The following SVEP1 variants were observed in gnomAD, a reference collection of about 807,000 sequenced individuals.
SVEP1 encodes sushi, von Willebrand factor type A, EGF and pentraxin domain-containing protein 1.
A neutral mutation model predicts 367.3 loss-of-function variants in SVEP1; 164 were observed. The observed-to-expected ratio is 0.45, with a 90% confidence interval of 0.39 to 0.51. SVEP1 has a LOEUF of 0.51. Ranked by LOEUF, SVEP1 falls within the 20% of genes least tolerant of loss-of-function variation. The probability of loss-of-function intolerance (pLI) is 0.00; values close to 1 mark genes in which losing one functional copy is unlikely to be tolerated. For synonymous variants in SVEP1, 1,666 were observed against 1,611.6 expected, an observed-to-expected ratio of 1.03 and a Z score of -0.81; for missense variants, 4,117 against 4,425.3, an observed-to-expected ratio of 0.93 and a Z score of 1.98.
Position 110,379,400 on chromosome 9 carries a change from A to G in SVEP1, c.10355T>C (p.Leu3452Pro). 1 of 1,613,848 alleles carries G rather than the reference A, an allele frequency of 6.2e-7. No individual in the cohort carries two copies. Among genetic ancestry groups the G allele is most frequent in the Non-Finnish European group, 8.5e-7 (1 of 1,179,798 alleles). ...CYSGYMLEGF[L>P]RSVCLENGTW... is the part of the protein sequence containing the mutation. ...TCCATTTTCTAAACAAACACTCCTC[A>G]GGAAACCCTCCAACATGTATCCACT... The change falls in exon 44 of 48, where the codon CTG (leucine) becomes CCG (proline). Residue 3452 changes from leucine (L) to proline (P), a missense_variant. Physicochemically the swap from Leu to Pro is moderately conservative, Grantham distance 98 (BLOSUM62 -3). This residue lies in a region of SVEP1 where 1,765 missense variants were observed against 1,781.1 expected (regional missense o/e 0.99). Transcript: ENST00000374469.
intron 5 of SVEP1, among the ~76,000 whole-genome samples, chr9:110,511,488 CTTTTTTTTTTTTTTTTTTTTTTT>C (rs199993986): frequency 2.6e-5 from 2 of 77,576 alleles, no homozygotes; most frequent in Non-Finnish European, 5.5e-5. Context: ...GTGTCAGTAC[CTTTTTTTTTTTTTTTTTTTTTTT>C]TTTTTTTTTT....
intron 3 of SVEP1, among the ~76,000 whole-genome samples, chr9:110,535,206 A>C (rs1830064309): frequency 6.6e-6 from 1 of 152,086 alleles, no homozygotes; most frequent in Non-Finnish European, 1.5e-5. Flanking sequence ...TGGTATAAGA[A>C]AGGGATTCTG....
At chr9:110,511,497 T>A (rs1829713657) in intron 5 of SVEP1, among the ~76,000 whole-genome samples, 1 of 34,144 alleles carries the variant, frequency 2.9e-5, no homozygotes. Flanking sequence ...CCTTTTTTTT[T>A]TTTTTTTTTT....
chr9:110,461,575 G>C (rs769683495), intron 18 of SVEP1, among the ~76,000 whole-genome samples: 1 of 151,980 alleles, frequency 6.6e-6, no homozygotes, highest in Non-Finnish European at 1.5e-5. Context: ...CCATGTCATA[G>C]CATCTTTTTT....
chr9:110,366,693 A>G (rs1827205665), intron 47 of SVEP1, 133 bp from the exon 48 acceptor site: 3 of 782,148 alleles, frequency 3.8e-6, no homozygotes, highest in South Asian at 5.4e-5. Flanking sequence ...TGATGTTTAT[A>G]CGGATGGGGG....
chr9:110,446,849 T>C, intron 25 of SVEP1, 51 bp downstream of exon 25: 1 of 1,417,444 alleles, frequency 7.1e-7, no homozygotes, highest in Non-Finnish European at 9.2e-7. Context: ...ATTATTGTTA[T>C]TATATTACTA....
chr9:110,576,523 C>T (rs180948858), intron 1 of SVEP1, among the ~76,000 whole-genome samples: 169 of 151,672 alleles, frequency 1.1e-3, no homozygotes, highest in African/African-American at 4.0e-3. Context: ...AAATAGTTTT[C>T]CTGATTATTT....
At chr9:110,544,384 G>A (rs1330263269) in intron 3 of SVEP1, among the ~76,000 whole-genome samples, 1 of 151,942 alleles carries the variant, frequency 6.6e-6, no homozygotes, top group Non-Finnish European at 1.5e-5. Flanking sequence ...TCATGAAAGA[G>A]CTGCAAGCTA....
At chr9:110,472,450 T>C (rs2118674049) in intron 14 of SVEP1, 127 bp from the exon 15 acceptor site, 1 of 856,408 alleles carries the variant, frequency 1.2e-6, no homozygotes, top group East Asian at 2.9e-5. Context: ...ACATACTGCA[T>C]ACAGGGTTTG....
chr9:110,384,055 A>C (rs534584784), intron 43 of SVEP1, among the ~76,000 whole-genome samples: 1 of 152,258 alleles, frequency 6.6e-6, no homozygotes, highest in Non-Finnish European at 1.5e-5. Flanking sequence ...CCACAGTGAC[A>C]GTGGCTGTTC....
chr9:110,474,835 G>A (rs926995407), intron 14 of SVEP1, among the ~76,000 whole-genome samples: 4 of 151,986 alleles, frequency 2.6e-5, no homozygotes, highest in African/African-American at 9.7e-5. Context: ...ACTGATCGAT[G>A]GGATAATATT....
intron 3 of SVEP1, among the ~76,000 whole-genome samples, chr9:110,523,286 G>A (rs1465105269): frequency 1.3e-5 from 2 of 152,130 alleles, no homozygotes; most frequent in African/African-American, 4.8e-5. Flanking sequence ...TTCAAACCAA[G>A]TTGAAATCCT....
intron 1 of SVEP1, among the ~76,000 whole-genome samples, chr9:110,568,184 T>C (rs1301617310): frequency 6.6e-6 from 1 of 152,240 alleles, no homozygotes; most frequent in Non-Finnish European, 1.5e-5. Flanking sequence ...TCTTAGGTTG[T>C]GCTTCTGGCA....
chr9:110,538,049 CTGTATA>C (rs901381781), intron 3 of SVEP1, among the ~76,000 whole-genome samples: 2 of 151,898 alleles, frequency 1.3e-5, no homozygotes, highest in African/African-American at 4.8e-5. Flanking sequence ...TTCTTGGCAA[CTGTATA>C]TATTTTTTGA....
At chr9:110,513,830 T>A in intron 4 of SVEP1, 118 bp downstream of exon 4, 1 of 1,227,570 alleles carries the variant, frequency 8.1e-7, no homozygotes, top group Middle Eastern at 2.9e-4. Context: ...CCAAAAAATA[T>A]GATTAGAGAA....
chr9:110,459,386 C>A (rs1373311814), intron 18 of SVEP1, among the ~76,000 whole-genome samples: 1 of 151,992 alleles, frequency 6.6e-6, no homozygotes, highest in Non-Finnish European at 1.5e-5. Flanking sequence ...AAGTGTTTCC[C>A]AAATCATTCC....
rs549338716 is a variant in SVEP1 at position 110,449,911 on chromosome 9, G to T, written c.4103+148C>A. 21 of 898,832 alleles carry T rather than the reference G, an allele frequency of 2.3e-5. 1 individual carries two copies. In the South Asian group the frequency reaches 3.1e-4, roughly 13 times the overall value. The allele number at this position is 898,832 out of a possible 1,614,324, so 55.7% of individuals were successfully genotyped here. Reference sequence around the variant, plus strand: ...TCAGGCTTAGTGAAGCAGAAATGGCGGTGGGAATATTCAGCTGTAGCCTAT... The same window carrying T: ...TCAGGCTTAGTGAAGCAGAAATGGCTGTGGGAATATTCAGCTGTAGCCTAT... On this transcript the variant is annotated intron_variant, in intron 24 of 47. Transcript: ENST00000374469.
chr9:110,482,522 G>C, intron 10 of SVEP1, 30 bp from the exon 11 acceptor site: 1 of 1,550,198 alleles, frequency 6.5e-7, no homozygotes, highest in Non-Finnish European at 8.7e-7. Flanking sequence ...GCCAATTTTT[G>C]GGTTGTATTC....
intron 26 of SVEP1, among the ~76,000 whole-genome samples, chr9:110,445,276 G>A (rs1196422842): frequency 6.6e-6 from 1 of 152,192 alleles, no homozygotes; most frequent in Non-Finnish European, 1.5e-5. Flanking sequence ...GTACAACTAA[G>A]GTTGGCTCTC....
Sources: allele counts gnomAD v4.1 joint callset (sites outside exome capture counted in the v4.1 genomes callset), GRCh38; gene constraint gnomAD v4.1.1; regional missense constraint gnomAD v4.1.1; transcripts MANE v1.5; gene names NCBI Gene and HGNC (gene_info 2026-07-23, HGNC 2026-07-21).